Variants in BECN1 observed in about 807,000 individuals in gnomAD.
BECN1 encodes the protein beclin-1.
Under a neutral mutation model 60.1 loss-of-function variants are expected in BECN1, and 15 were observed. The ratio of observed to expected loss-of-function variants is 0.25; its 90% CI spans 0.17 to 0.38. The LOEUF (loss-of-function observed/expected upper bound fraction) is 0.38, where lower values mean the gene tolerates loss of function less well. Ranked by LOEUF, BECN1 falls within the 10% of genes least tolerant of loss-of-function variation. The pLI is 1.00. For synonymous variants in BECN1, 179 were observed against 201.8 expected (o/e 0.89, Z 0.96); for missense variants, 424 against 548.2 (o/e 0.77, Z 2.26).
chr17:42,817,509 T>C (rs905943701), intron 7 of BECN1, among the ~76,000 whole-genome samples: 3 of 152,178 alleles, frequency 2.0e-5, no homozygotes, highest in Admixed American at 6.5e-5. Flanking sequence ...TGTCCTCCAC[T>C]AGAGAGAGGG....
At chr17:42,818,516 T>G (rs1216765454) in intron 6 of BECN1, 28 bp downstream of exon 6, 2 of 1,613,874 alleles carry the variant, frequency 1.2e-6, no homozygotes, top group African/African-American at 1.3e-5. Context: ...CAGTAACAGC[T>G]CTGAGCCCTG....
At chr17:42,823,677 TAAG>T (rs2055322192) in intron 2 of BECN1, 68 bp downstream of exon 2, 1 of 1,561,576 alleles carries the variant, frequency 6.4e-7, no homozygotes. Context: ...ACAGCCACCA[TAAG>T]AATTATATCA....
intron 3 of BECN1, chr17:42,820,483 C>T: frequency 2.9e-6 from 1 of 341,724 alleles, no homozygotes; most frequent in South Asian, 4.8e-5. Flanking sequence ...GTCATCCCAT[C>T]TCCAACCTAC....
intron 10 of BECN1, 106 bp from the exon 11 acceptor site, chr17:42,811,903 C>A (rs2055017303): frequency 1.4e-6 from 2 of 1,387,810 alleles, no homozygotes; most frequent in African/African-American, 1.5e-5. Flanking sequence ...CTGTATCCCA[C>A]TGGAAACTTG....
chr17:42,818,685 A>G lies in BECN1; in HGVS notation c.352-5T>C. 6.2e-7 allele frequency: 1 copy of G among 1,614,124 alleles called. No homozygotes were observed. The highest frequency in any genetic ancestry group is 8.5e-7 in the Non-Finnish European group (1 of 1,180,008). On this transcript the variant is annotated splice_region_variant and splice_polypyrimidine_tract_variant and intron_variant, in intron 5 of 11. Coordinates refer to ENST00000590099, the MANE Select transcript of BECN1 (RefSeq NM_001313998.2). ...GTCAAAAAGGTCCCCAGTGACCTGGAAGTGTGGGAGAGTCAGGGTAGGGCC... is the reference window on the plus strand; with the variant it reads ...GTCAAAAAGGTCCCCAGTGACCTGGGAGTGTGGGAGAGTCAGGGTAGGGCC...
At chr17:42,824,062 A>T in intron 1 of BECN1, 93 bp downstream of exon 1, 2 of 721,934 alleles carry the variant, frequency 2.8e-6, no homozygotes, top group Non-Finnish European at 4.4e-6. Flanking sequence ...AAGGCAGTTT[A>T]GAGCCCAGGG....
Position 42,818,676 on chromosome 17 carries a change from G to A in BECN1, c.356C>T (p.Thr119Ile). ...MENLSRRLKVTGDLFDIMSGQ... is the reference protein window; with the variant it reads ...MENLSRRLKVIGDLFDIMSGQ... The stretch of plus-strand genomic sequence containing the variant: ...CGACATGATGTCAAAAAGGTCCCCA[G>A]TGACCTGGAAGTGTGGGAGAGTCAG... The change falls in exon 6 of 12, where the codon ACT becomes ATT. Residue 119 changes from threonine (T) to isoleucine (I), a missense_variant. Physicochemically the swap from Thr to Ile is moderately conservative, Grantham distance 89. Coordinates refer to ENST00000590099, the MANE Select transcript of BECN1 (RefSeq NM_001313998.2). 1 of 1,614,190 alleles carries A rather than the reference G, an allele frequency of 6.2e-7. No individual in the cohort carries two copies. The highest frequency in any genetic ancestry group is 2.2e-5 in the East Asian group (1 of 44,884).
chr17:42,824,245 C>T lies in BECN1; in HGVS notation c.-93G>A. ...CCCCGGAGCGAGGCCTCCAGAACTA[C>T]CATCGCTCTGTCTTCAGCGACTTCC... On this transcript the variant is annotated 5_prime_UTR_variant, in exon 1 of 12. Coordinates refer to ENST00000590099, the MANE Select transcript of BECN1 (RefSeq NM_001313998.2). 1 of 402,894 alleles carries T rather than the reference C, an allele frequency of 2.5e-6. No individual in the cohort carries two copies. 25.0% of individuals were successfully genotyped at this position (402,894 alleles called of 1,614,324 possible).
At chr17:42,815,378 G>GT (rs2055125016) in intron 8 of BECN1, among the ~76,000 whole-genome samples, 3 of 152,008 alleles carry the variant, frequency 2.0e-5, no homozygotes, top group Admixed American at 6.6e-5. Flanking sequence ...CAGTTTAAAC[G>GT]TAAGTCCCCT....
At chr17:42,814,127 A>G (rs1264018717) in intron 9 of BECN1, 119 bp from the exon 10 acceptor site, 2 of 632,430 alleles carry the variant, frequency 3.2e-6, no homozygotes, top group Non-Finnish European at 5.3e-6. Context: ...ATTATGCTCA[A>G]CTCCCTCTCC....
intron 3 of BECN1, chr17:42,820,521 A>G (rs2055241122): frequency 4.8e-6 from 2 of 415,800 alleles, no homozygotes; most frequent in Non-Finnish European, 4.3e-6. Flanking sequence ...CTTCAAATAA[A>G]GAGCCCTTTC....
rs1034193052 is a variant in BECN1, at chr17:42,810,663, T to C, written c.*97A>G. 2.3e-6 allele frequency: 3 copies of C among 1,302,786 alleles called. No homozygotes were observed. The highest frequency in any genetic ancestry group is 2.1e-6 in the Non-Finnish European group (2 of 956,066). The allele number at this position is 1,302,786 out of a possible 1,614,324, so 80.7% of individuals were successfully genotyped here. ...TTTTTCTTTTTTGGTATTGTAAACA[T>C]GTACTGTTTAATATTACCCGAATTT... On this transcript the variant is annotated 3_prime_UTR_variant, in exon 12 of 12. Coordinates refer to ENST00000590099, the MANE Select transcript of BECN1 (RefSeq NM_001313998.2).
chr17:42,818,328 C>T lies in BECN1; in HGVS notation c.576G>A (p.Glu192=), dbSNP rs1167585753. The stretch of plus-strand genomic sequence containing the variant: ...CGTCTTCCAGCTCCTGGATCAGCCT[C>T]TCCTCCTCTAGTGCCAGCTCCTTTA... The part of the protein sequence containing the change: ...MELKELALEE[E]RLIQELEDVE... The change falls in exon 7 of 12, where the codon GAG becomes GAA. Residue 192 remains glutamate (E), a synonymous_variant. Coordinates refer to ENST00000590099, the MANE Select transcript of BECN1 (RefSeq NM_001313998.2). The T allele has an allele frequency of 6.2e-7, 1 of 1,614,216 alleles. No individual in the cohort carries two copies. The highest frequency in any genetic ancestry group is 1.7e-5 in the Admixed American group (1 of 60,020).
intron 2 of BECN1, among the ~76,000 whole-genome samples, chr17:42,821,930 G>C (rs1351708205): frequency 6.6e-6 from 1 of 152,226 alleles, no homozygotes; most frequent in Non-Finnish European, 1.5e-5. Flanking sequence ...GAGTTTAAGA[G>C]GCGCGGTGGC....
intron 8 of BECN1, 53 bp from the exon 9 acceptor site, chr17:42,814,726 T>C (rs1472119243): frequency 1.9e-6 from 3 of 1,606,450 alleles, no homozygotes; most frequent in Admixed American, 1.7e-5. Flanking sequence ...CTTAAAAAGT[T>C]TGACATTTCC....
Position 42,820,861 on chromosome 17 carries a change from T to C in BECN1, c.131-20A>G. On this transcript the variant is annotated intron_variant, in intron 2 of 11. Transcript: ENST00000590099. ...ATGGAGCTAAGGGCAAGGAAAATAT[T>C]GGGTCAGAAACAGTCTTATTAAAGC... 6.3e-7 allele frequency: 1 copy of C among 1,579,514 alleles called. No homozygotes were observed. Among genetic ancestry groups the C allele is most frequent in the Non-Finnish European group, 8.6e-7 (1 of 1,158,884 alleles).
rs899136329 is a variant in BECN1 at position 42,824,231 on chromosome 17, G to A, written c.-79C>T. 4 of 407,534 alleles carry A rather than the reference G, an allele frequency of 9.8e-6. No individual in the cohort carries two copies. The highest frequency in any genetic ancestry group is 4.3e-5 in the Admixed American group (1 of 23,062). 25.2% of individuals were successfully genotyped at this position (407,534 alleles called of 1,614,324 possible). A position where few individuals can be genotyped will look rare whatever the true frequency, so the allele number is the denominator to read the frequency against. On this transcript the variant is annotated 5_prime_UTR_variant, in exon 1 of 12. Coordinates refer to ENST00000590099, the MANE Select transcript of BECN1 (RefSeq NM_001313998.2). ...TGGCCTCGGGTCGGCCCCGGAGCGA[G>A]GCCTCCAGAACTACCATCGCTCTGT...
chr17:42,817,285 A>C (rs1466143486), intron 7 of BECN1, among the ~76,000 whole-genome samples: 1 of 149,212 alleles, frequency 6.7e-6, no homozygotes, highest in Non-Finnish European at 1.5e-5. Context: ...ACAGAGTAAG[A>C]CTCTGTTTCT....
intron 2 of BECN1, 147 bp downstream of exon 2, chr17:42,823,601 G>T: frequency 8.4e-7 from 1 of 1,184,090 alleles, no homozygotes; most frequent in Non-Finnish European, 1.2e-6. Flanking sequence ...ATGTTTCCAA[G>T]GAGAAAACAG....
Sources: allele counts gnomAD v4.1 joint callset (sites outside exome capture counted in the v4.1 genomes callset), GRCh38; gene constraint gnomAD v4.1.1; transcripts MANE v1.5; gene names NCBI Gene and HGNC (gene_info 2026-07-23, HGNC 2026-07-21).